HDAC9: variants seen among roughly 807,000 people sequenced by gnomAD.
The protein encoded by HDAC9 is histone deacetylase 9.
HDAC9 carries 41 observed loss-of-function variants against 139.4 expected under a neutral mutation model. The observed-to-expected ratio is 0.29, with a 90% CI of 0.23 to 0.38. The LOEUF is 0.38. HDAC9 is among the 10% of genes least tolerant of loss of function. The pLI is 1.00. For missense variants in HDAC9, 1,147 were observed against 1,297.0 expected, an observed-to-expected ratio of 0.88 and a Z score of 1.78; for synonymous variants, 517 against 476.2, an observed-to-expected ratio of 1.09 and a Z score of -1.12.
At chr7:18,504,417 G>A (rs1005456619) in intron 2 of HDAC9, among the ~76,000 whole-genome samples, 1 of 152,130 alleles carries the variant, frequency 6.6e-6, no homozygotes, top group African/African-American at 2.4e-5. Context: ...TGATTGTCCT[G>A]CCTCAGCCTC....
chr7:18,204,043 T>C (rs1396293132), intron 2 of HDAC9, among the ~76,000 whole-genome samples: 1 of 152,158 alleles, frequency 6.6e-6, no homozygotes, highest in African/African-American at 2.4e-5. Flanking sequence ...TGTAACCATC[T>C]TGCTTTTCCT....
chr7:18,138,400 G>T (rs1278548185), intron 1 of HDAC9, among the ~76,000 whole-genome samples: 1 of 152,068 alleles, frequency 6.6e-6, no homozygotes, highest in Non-Finnish European at 1.5e-5. Context: ...GATTGCAAAT[G>T]GTGTAAGAAG....
chr7:18,920,639 A>G (rs1184891860), intron 22 of HDAC9, among the ~76,000 whole-genome samples: 1 of 152,152 alleles, frequency 6.6e-6, no homozygotes, highest in Non-Finnish European at 1.5e-5. Flanking sequence ...TTTGTCATAG[A>G]TAGCTCTTAT....
At chr7:18,451,401 G>GTGTGTGTGTGTA (rs760861605) in intron 1 of HDAC9, among the ~76,000 whole-genome samples, 21 of 135,278 alleles carry the variant, frequency 1.6e-4, no homozygotes, top group Non-Finnish European at 2.5e-4. Context: ...GTGTGTGTGT[G>GTGTGTGTGTGTA]TATATATGTG....
rs372136788 is a variant in HDAC9, at chr7:18,647,894, C to T, written c.1145C>T (p.Pro382Leu). Residue 382 changes from proline (P) to leucine (L), a missense_variant, in exon 10 of 26, where the codon CCT becomes CTT. This residue lies in a region of HDAC9 where 264 missense variants were observed against 273.8 expected (regional missense o/e 0.96). Coordinates refer to ENST00000686413, the MANE Select transcript of HDAC9 (RefSeq NM_178425.4). ...GGSIPASSSHPHVTLEGKPPN... is the reference protein window; with the variant it reads ...GGSIPASSSHLHVTLEGKPPN... ...AGCATCCCGGCATCTTCCAGCCACC[C>T]TCATGTTACTTTAGAGGGAAAGCCA... The T allele has an allele frequency of 6.4e-5, 103 of 1,612,768 alleles. No individual in the cohort carries two copies. The highest frequency in any genetic ancestry group is 8.4e-5 in the Non-Finnish European group (99 of 1,179,464).
chr7:18,701,253 A>G (rs1783450529), intron 12 of HDAC9, among the ~76,000 whole-genome samples: 1 of 152,114 alleles, frequency 6.6e-6, no homozygotes, highest in Admixed American at 6.6e-5. Flanking sequence ...ATCTTCTCCC[A>G]GTTTTGGTGT....
At chr7:18,707,893 G>A (rs1243061688) in intron 12 of HDAC9, among the ~76,000 whole-genome samples, 1 of 151,408 alleles carries the variant, frequency 6.6e-6, no homozygotes, top group Admixed American at 6.6e-5. Flanking sequence ...GTGCATACAT[G>A]TGTGTGTCTG....
intron 21 of HDAC9, among the ~76,000 whole-genome samples, chr7:18,849,537 A>C (rs1008170716): frequency 2.0e-5 from 3 of 152,154 alleles, no homozygotes; most frequent in African/African-American, 7.2e-5. Flanking sequence ...ACACTTTTTT[A>C]GATCAGATAT....
At chr7:18,277,317 G>A (rs1234437151) in intron 2 of HDAC9, among the ~76,000 whole-genome samples, 1 of 152,164 alleles carries the variant, frequency 6.6e-6, no homozygotes, top group Non-Finnish European at 1.5e-5. Flanking sequence ...TGGCAGAGAA[G>A]GCAACTGATC....
In HDAC9 at chr7:18,238,728, C is replaced by A. The variant is rs551729672; in HGVS notation, c.25+76379C>A. 1.7e-4 allele frequency among the ~76,000 whole-genome samples: 26 copies of A among 152,278 alleles called. 1 individual carries two copies. The South Asian group carries it at 5.4e-3, about 32-fold the overall frequency. On this transcript the variant is annotated intron_variant, in intron 2 of 12. Coordinates refer to the HDAC9 transcript ENST00000417496. Reference sequence around the variant, plus strand: ...AAGCCAGGATTAAGTAGCACAAAGACAAAGATGAGTGAGCTGATGAAATTG... The same window carrying A: ...AAGCCAGGATTAAGTAGCACAAAGAAAAAGATGAGTGAGCTGATGAAATTG...
intron 2 of HDAC9, among the ~76,000 whole-genome samples, chr7:18,271,081 T>G (rs1796322338): frequency 6.6e-6 from 1 of 152,196 alleles, no homozygotes; most frequent in African/African-American, 2.4e-5. Flanking sequence ...TCTACAAAGT[T>G]TGTCTGTATT....
intron 17 of HDAC9, among the ~76,000 whole-genome samples, chr7:18,811,223 T>C (rs1794150077): frequency 6.6e-6 from 1 of 151,544 alleles, no homozygotes. Context: ...TATTCGTTAC[T>C]TTTTTTCTGT....
intron 1 of HDAC9, among the ~76,000 whole-genome samples, chr7:18,482,984 T>C (rs1187760576): frequency 3.9e-5 from 6 of 152,248 alleles, no homozygotes; most frequent in Admixed American, 3.9e-4. Context: ...TTTTTTGAAG[T>C]ACTGCTCTGA....
chr7:18,860,785 G>C (rs1466747602), intron 21 of HDAC9, among the ~76,000 whole-genome samples: 4 of 152,146 alleles, frequency 2.6e-5, no homozygotes, highest in Admixed American at 2.6e-4. Context: ...GCACCCACTG[G>C]AACTATAAGG....
chr7:18,655,450 A>T (rs932489657), intron 11 of HDAC9, among the ~76,000 whole-genome samples: 3 of 152,168 alleles, frequency 2.0e-5, no homozygotes, highest in Admixed American at 6.5e-5. Context: ...GCCCAATATA[A>T]ATAGATTCTT....
intron 1 of HDAC9, among the ~76,000 whole-genome samples, chr7:18,306,972 G>A (rs1409622758): frequency 2.6e-5 from 4 of 151,956 alleles, no homozygotes; most frequent in Non-Finnish European, 4.4e-5. Flanking sequence ...TTCTCTCGTG[G>A]ACCTCATTCC....
chr7:18,978,112 C>G (rs1196608630), intron 25 of HDAC9, among the ~76,000 whole-genome samples: 1 of 151,936 alleles, frequency 6.6e-6, no homozygotes, highest in Non-Finnish European at 1.5e-5. Flanking sequence ...CTTATGAATG[C>G]AATATTATAA....
intron 6 of HDAC9, among the ~76,000 whole-genome samples, chr7:18,626,963 T>C (rs1431520449): frequency 6.6e-6 from 1 of 152,126 alleles, no homozygotes; most frequent in African/African-American, 2.4e-5. Flanking sequence ...TGGGGCCCAG[T>C]TCTGGATCAG....
rs1016019863 is a variant in HDAC9 at position 19,000,033 on chromosome 7, G to A, written c.*3971G>A. The A allele has an allele frequency of 6.6e-6, 1 of 152,148 alleles. No homozygotes were observed. Among genetic ancestry groups the A allele is most frequent in the Non-Finnish European group, 1.5e-5 (1 of 68,024 alleles). The allele number at this position is 152,148 out of a possible 1,614,324, so 9.4% of individuals were successfully genotyped here. On this transcript the variant is annotated 3_prime_UTR_variant, in exon 26 of 26. Coordinates refer to ENST00000686413, the MANE Select transcript of HDAC9 (RefSeq NM_178425.4). Reference sequence around the variant, plus strand: ...TGCTGAGAAAATAAGGGGAAAACAAGATAGAAGTAAAAAACAACACACCTG... The same window carrying A: ...TGCTGAGAAAATAAGGGGAAAACAAAATAGAAGTAAAAAACAACACACCTG...
Sources: allele counts gnomAD v4.1 joint callset (sites outside exome capture counted in the v4.1 genomes callset), GRCh38; gene constraint gnomAD v4.1.1; regional missense constraint gnomAD v4.1.1; transcripts MANE v1.5; gene names NCBI Gene and HGNC (gene_info 2026-07-23, HGNC 2026-07-21).